The following DHTKD1 variants were observed in gnomAD, a reference collection of about 807,000 sequenced individuals.
DHTKD1 encodes 2-oxoadipate dehydrogenase complex component E1.
In DHTKD1, 78 loss-of-function variants were observed where a neutral mutation model predicts 101.8. The observed-to-expected ratio is 0.77, with a 90% CI of 0.64 to 0.93. The LOEUF (loss-of-function observed/expected upper bound fraction) is 0.93. Among genes scored for constraint, DHTKD1 ranks in the 40% least tolerant of loss-of-function variants. The pLI, the probability that DHTKD1 is intolerant of heterozygous loss-of-function variation, is 0.00. For synonymous variants in DHTKD1, 462 were observed against 450.3 expected (o/e 1.03, Z -0.33); for missense variants, 1,223 against 1,161.7 (o/e 1.05, Z -0.77).
intron 6 of DHTKD1, among the ~76,000 whole-genome samples, chr10:12,092,058 A>C (rs564859565): frequency 4.1e-5 from 6 of 147,422 alleles, no homozygotes; most frequent in African/African-American, 1.5e-4. Context: ...ATCTCGGCTT[A>C]CTGCAACCTC....
Position 12,074,696 on chromosome 10 carries a change from C to G in DHTKD1, c.154+5509C>G, listed in dbSNP as rs919743926. On this transcript the variant is annotated intron_variant, in intron 1 of 16. Coordinates refer to ENST00000263035, the MANE Select transcript of DHTKD1 (RefSeq NM_018706.7). ...GGCTGGAATGCAGTGGCCAAAATCT[C>G]CACTGCACTCCAGCCTGGGCCACGG... Among the ~76,000 whole-genome samples the G allele has an allele frequency of 7.3e-5, 11 of 151,140 alleles. No individual in the cohort carries two copies. The South Asian group carries it at 8.4e-4, about 12-fold the overall frequency.
chr10:12,088,958 T>A, intron 4 of DHTKD1, 28 bp from the exon 5 acceptor site: 1 of 1,594,294 alleles, frequency 6.3e-7, no homozygotes, highest in Non-Finnish European at 8.6e-7. Context: ...GAATGCCATT[T>A]TTTTCCTTTT....
At position 12,119,575 on chromosome 10, in the gene DHTKD1, T is replaced by C. The variant is rs868016321; in HGVS notation, c.2573-607T>C. Among the ~76,000 whole-genome samples, 504 of 131,630 alleles carry C rather than the reference T, an allele frequency of 3.8e-3. 2 individuals carry two copies. The highest frequency in any genetic ancestry group is 5.5e-3 in the South Asian group (24 of 4,334). 86.4% of individuals were successfully genotyped at this position (131,630 alleles called of 152,430 possible). ...AGCTTGCAGTGAGCCGAGATTGCGC[T>C]ACTGCACTCCAGCCTGGGCGACAGA... On this transcript the variant is annotated intron_variant, in intron 15 of 16. Transcript: ENST00000263035.
chr10:12,089,065 C>A lies in DHTKD1; in HGVS notation c.797C>A (p.Thr266Asn), dbSNP rs747318060. Residue 266 changes from threonine (T) to asparagine (N), a missense_variant, in exon 5 of 17, where the codon ACC becomes AAC. By Grantham distance (65) the Thr-to-Asn change is moderately conservative. Coordinates refer to ENST00000263035, the MANE Select transcript of DHTKD1 (RefSeq NM_018706.7). ...ACTGGAGACGTCCTGTCTCACCTGA[C>A]CTCCTCTGTGGACCTGTACTTTGGG... The part of the protein sequence containing the change: ...SATGDVLSHL[T>N]SSVDLYFGAH... 6.2e-7 allele frequency: 1 copy of A among 1,614,088 alleles called. No homozygotes were observed. The highest frequency in any genetic ancestry group is 8.5e-7 in the Non-Finnish European group (1 of 1,179,936).
chr10:12,101,109 G>C lies in DHTKD1; in HGVS notation c.1824G>C (p.Val608=), dbSNP rs2131616416. ...CTTTCAGTCAGAGGCATGCAATCGT[G>C]GTTTGCCAGGAGACGGATGACACCT... ...RGTFSQRHAI[V]VCQETDDTYI... Residue 608 remains valine, a synonymous_variant, in exon 10 of 17, where the codon GTG becomes GTC. Transcript: ENST00000263035. The C allele has an allele frequency of 1.2e-6, 2 of 1,614,052 alleles. No individual in the cohort carries two copies. The highest frequency in any genetic ancestry group is 2.2e-5 in the South Asian group (2 of 91,076).
intron 1 of DHTKD1, among the ~76,000 whole-genome samples, chr10:12,074,379 G>A (rs939945659): frequency 6.6e-6 from 1 of 151,642 alleles, no homozygotes; most frequent in South Asian, 2.1e-4. Flanking sequence ...TTTTTGAGAC[G>A]GAGTCTTGCT....
At chr10:12,074,559 C>T (rs7080588) in intron 1 of DHTKD1, among the ~76,000 whole-genome samples, 27,519 of 151,264 alleles carry the variant, frequency 0.18, 2,798 homozygotes, top group East Asian at 0.32. Flanking sequence ...GGGGTTTCAC[C>T]GTGTTAGCCA....
In DHTKD1 at chr10:12,118,840, A is replaced by G. The variant is rs1443098492; in HGVS notation, c.2494A>G (p.Ile832Val). Residue 832 changes from isoleucine to valine, a missense_variant, in exon 15 of 17, where the codon ATC becomes GTC. Coordinates refer to ENST00000263035, the MANE Select transcript of DHTKD1 (RefSeq NM_018706.7). ...GGGGGCCAAGAAGCATGACTTTGCC[A>G]TCATCCGAGTAGAGGAACTCTGCCC... The part of the protein sequence containing the change: ...SLGAKKHDFA[I>V]IRVEELCPFP... 3 of 1,609,112 alleles carry G rather than the reference A, an allele frequency of 1.9e-6. No individual in the cohort carries two copies. Among genetic ancestry groups the G allele is most frequent in the Non-Finnish European group, 2.5e-6 (3 of 1,178,108 alleles).
chr10:12,107,172 G>A lies in DHTKD1; in HGVS notation c.2048-737G>A, dbSNP rs1009128625. 6.6e-6 allele frequency among the ~76,000 whole-genome samples: 1 copy of A among 151,642 alleles called. No individual in the cohort carries two copies. The highest frequency in any genetic ancestry group is 1.5e-5 in the Non-Finnish European group (1 of 67,914). Reference sequence around the variant, plus strand: ...CGGCTAATTTTTTGTATTTTTAGTAGAGATGGGGTTTCACCGTGTCAGCCG... The same window carrying A: ...CGGCTAATTTTTTGTATTTTTAGTAAAGATGGGGTTTCACCGTGTCAGCCG... On this transcript the variant is annotated intron_variant, in intron 11 of 16. Transcript: ENST00000263035. The surrounding 1 kb of genome is among the most constrained non-coding windows in gnomAD (Gnocchi z 4.1).
chr10:12,095,382 A>T (rs1167387559), intron 7 of DHTKD1, among the ~76,000 whole-genome samples: 1 of 152,212 alleles, frequency 6.6e-6, no homozygotes, highest in Non-Finnish European at 1.5e-5. Context: ...CTTAAATAAA[A>T]TATGTTATTG....
At chr10:12,120,645 C>A in intron 16 of DHTKD1, 142 bp from the exon 17 acceptor site, 1 of 727,610 alleles carries the variant, frequency 1.4e-6, no homozygotes, top group Non-Finnish European at 2.3e-6. Flanking sequence ...TCCCTCTAAT[C>A]TCTTCTGCGT....
rs1833034697 is a variant in DHTKD1, at chr10:12,094,212, G to A, written c.1299G>A (p.Trp433Ter). 1 of 1,614,016 alleles carries A rather than the reference G, an allele frequency of 6.2e-7. No homozygotes were observed. Among genetic ancestry groups the A allele is most frequent in the Non-Finnish European group, 8.5e-7 (1 of 1,180,040 alleles). The change falls in exon 7 of 17, where the codon TGG becomes TGA. Residue 433 changes from tryptophan to a stop codon, truncating the protein, a stop_gained. Transcript: ENST00000263035. LOFTEE classifies it high-confidence loss of function. ...TTGATCTGTTGTGCTACAGGCAGTG[G>A]GGCCACAATGAGCTGGATGAGCCAT... is the stretch of plus-strand genomic sequence containing the variant. ...VIIDLLCYRQ[W>*]GHNELDEPFY...
rs767463275 is a variant in DHTKD1, at chr10:12,091,662, T to G, written c.1137T>G (p.Ser379=). 6.2e-7 allele frequency: 1 copy of G among 1,613,892 alleles called. No individual in the cohort carries two copies. The highest frequency in any genetic ancestry group is 1.1e-5 in the South Asian group (1 of 91,048). The part of the protein sequence containing the change: ...GYTTPAERGR[S]SLYCSDIGKL... ...CCACTCCAGCTGAAAGAGGAAGGTC[T>G]TCTTTATACTGCAGTGATATTGGTA... The change falls in exon 6 of 17, where the codon TCT becomes TCG. Residue 379 remains serine (S), a synonymous_variant. Coordinates refer to ENST00000263035, the MANE Select transcript of DHTKD1 (RefSeq NM_018706.7).
In DHTKD1 at chr10:12,120,909, C is replaced by G. The variant is rs760678645; in HGVS notation, c.*21C>G. The G allele has an allele frequency of 2.5e-6, 4 of 1,609,286 alleles. No individual in the cohort carries two copies. Among genetic ancestry groups the G allele is most frequent in the Non-Finnish European group, 3.4e-6 (4 of 1,176,678 alleles). On this transcript the variant is annotated 3_prime_UTR_variant, in exon 17 of 17. Transcript: ENST00000263035. The stretch of plus-strand genomic sequence containing the variant: ...CTTGATGATGACTTTTGAAGAAACA[C>G]TATTTCTCTTTAAGAAAATGGCCAT...
intron 10 of DHTKD1, among the ~76,000 whole-genome samples, chr10:12,104,101 CAT>C (rs900214801): frequency 2.6e-5 from 4 of 152,188 alleles, no homozygotes; most frequent in African/African-American, 9.7e-5. Flanking sequence ...AACGGTATAA[CAT>C]GTGGCCTTTT....
At position 12,107,894 on chromosome 10, in the gene DHTKD1, G is replaced by A. The variant is rs547265904; in HGVS notation, c.2048-15G>A. 1.4e-5 allele frequency: 22 copies of A among 1,562,720 alleles called. No individual in the cohort carries two copies. The highest frequency in any genetic ancestry group is 2.2e-5 in the East Asian group (1 of 44,620). ...GCTTCGTAGAGCTCTTACTCCCCAC[G>A]TGGTACTTTTCCAGGAGAGGCCAAG... On this transcript the variant is annotated splice_polypyrimidine_tract_variant and intron_variant, in intron 11 of 16. Transcript: ENST00000263035. This position sits in a 1 kb window ranked among gnomAD's most constrained non-coding sequence, Gnocchi z 4.1.
chr10:12,121,117 G>C lies in DHTKD1; in HGVS notation c.*229G>C. On this transcript the variant is annotated 3_prime_UTR_variant, in exon 17 of 17. Transcript: ENST00000263035. ...CACCTGTGATCCCAGCTTCCTGGGA[G>C]GCTGAGGCAAGAGAATCGCTTGAAT... 1 of 410,584 alleles carries C rather than the reference G, an allele frequency of 2.4e-6. No individual in the cohort carries two copies. The highest frequency in any genetic ancestry group is 4.6e-6 in the Non-Finnish European group (1 of 216,188). 25.4% of individuals were successfully genotyped at this position (410,584 alleles called of 1,614,324 possible).
intron 12 of DHTKD1, among the ~76,000 whole-genome samples, chr10:12,108,916 C>T (rs1035932948): frequency 1.3e-5 from 2 of 152,060 alleles, no homozygotes; most frequent in Non-Finnish European, 2.9e-5. Flanking sequence ...CTTTGGGAGA[C>T]CAAGGCAGGT....
At position 12,123,103 on chromosome 10, in the gene DHTKD1, A is replaced by C. The variant is rs1422394441; in HGVS notation, c.*2215A>C. 6.6e-6 allele frequency: 1 copy of C among 152,206 alleles called. No individual in the cohort carries two copies. Among genetic ancestry groups the C allele is most frequent in the African/African-American group, 2.4e-5 (1 of 41,442 alleles). The allele number at this position is 152,206 out of a possible 1,614,324, so 9.4% of individuals were successfully genotyped here. On this transcript the variant is annotated 3_prime_UTR_variant, in exon 17 of 17. Transcript: ENST00000263035. ...CTGTGTCAAGCCTTATAAATCATGTAATTTAGTGCCACTCATGTAAATCAG... is the reference window on the plus strand; with the variant it reads ...CTGTGTCAAGCCTTATAAATCATGTCATTTAGTGCCACTCATGTAAATCAG...
Sources: gnomAD v4.1 joint callset for allele counts (sites outside exome capture counted in the v4.1 genomes callset) on GRCh38, gnomAD v4.1.1 for gene constraint, Gnocchi (gnomAD v3.1) non-coding constraint, MANE v1.5 for transcripts, NCBI Gene and HGNC (gene_info 2026-07-23, HGNC 2026-07-21) for gene names.